The following UNKL variants were observed in gnomAD, a reference collection of about 807,000 sequenced individuals.
UNKL encodes the protein putative E3 ubiquitin-protein ligase UNKL.
UNKL carries 60 observed loss-of-function variants against 78.0 expected under a neutral mutation model. The ratio of observed to expected loss-of-function variants is 0.77; its 90% CI spans 0.63 to 0.95. The LOEUF (loss-of-function observed/expected upper bound fraction) is 0.95. Ranked by LOEUF, UNKL falls within the 40% of genes least tolerant of loss-of-function variation. The pLI, the probability that UNKL is intolerant of heterozygous loss-of-function variation, is 0.00. For missense variants in UNKL, 1,159 were observed against 1,045.7 expected (o/e 1.11, Z -1.49); for synonymous variants, 608 against 474.8 (o/e 1.28, Z -3.65).
At chr16:1,394,063 A>G in intron 7 of UNKL, 68 bp downstream of exon 7, 6 of 1,482,412 alleles carry the variant, frequency 4.0e-6, no homozygotes, top group Non-Finnish European at 5.5e-6. Context: ...GTCATCGGTA[A>G]CTCCAGTGAG....
chr16:1,393,026 G>A (rs1337254477), intron 7 of UNKL, 50 bp from the exon 8 acceptor site: 1 of 1,531,468 alleles, frequency 6.5e-7, no homozygotes, highest in Admixed American at 2.0e-5. Context: ...GTGGGCGACA[G>A]TGACACGCAG....
intron 10 of UNKL, among the ~76,000 whole-genome samples, chr16:1,384,930 C>T (rs961399555): frequency 3.3e-5 from 5 of 152,188 alleles, no homozygotes. Context: ...CGTTCTCAGT[C>T]CCTGAGCCGG....
Position 1,399,253 on chromosome 16 carries a change from G to C in UNKL, c.734+121C>G, listed in dbSNP as rs145678918. The C allele has an allele frequency of 7.1e-7, 1 of 1,403,998 alleles. No individual in the cohort carries two copies. The highest frequency in any genetic ancestry group is 1.5e-5 in the South Asian group (1 of 66,228). 87.0% of individuals were successfully genotyped at this position (1,403,998 alleles called of 1,614,324 possible). On this transcript the variant is annotated intron_variant, in intron 5 of 14. Transcript: ENST00000389221. This position sits in a 1 kb window ranked among gnomAD's most constrained non-coding sequence, Gnocchi z 5.8. ...GTGCTTGGAGATGCCCTCCCCTCCC[G>C]GGGATGATGGTGCCACAAGGGCAGC... is the stretch of plus-strand genomic sequence containing the variant.
At chr16:1,395,596 G>A (rs1251623241) in intron 6 of UNKL, 1 of 436,076 alleles carries the variant, frequency 2.3e-6, no homozygotes, top group Admixed American at 2.4e-5. Flanking sequence ...ATCTCAGGCT[G>A]CCCCTTCCGC....
In UNKL at chr16:1,401,666, T is replaced by TGGCC; in HGVS notation, c.496_499dup (p.Gln167ArgfsTer24). The TGGCC allele has an allele frequency of 6.2e-7, 1 of 1,612,088 alleles. No individual in the cohort carries two copies. Among genetic ancestry groups the TGGCC allele is most frequent in the Non-Finnish European group, 8.5e-7 (1 of 1,179,316 alleles). On this transcript the variant is annotated frameshift_variant, in exon 4 of 15. Coordinates refer to ENST00000389221, the MANE Select transcript of UNKL (RefSeq NM_001372107.1). LOFTEE classifies it high-confidence loss of function. The stretch of plus-strand genomic sequence containing the variant: ...CGGGACCCCTTCCCCGCCGCCCAGC[T>TGGCC]GGCCGTTCTGCAAGGCTTCCTGGGC...
At chr16:1,398,352 C>T (rs1384836235) in intron 5 of UNKL, 1 of 1,024,000 alleles carries the variant, frequency 9.8e-7, no homozygotes, top group African/African-American at 1.7e-5. Flanking sequence ...TTATGGGACA[C>T]ATTAAGTGCC....
rs2037407215 is a variant in UNKL, at chr16:1,399,256, G to T, written c.734+118C>A. ...CTTGGAGATGCCCTCCCCTCCCGGG[G>T]ATGATGGTGCCACAAGGGCAGCCCT... On this transcript the variant is annotated intron_variant, in intron 5 of 14. Coordinates refer to ENST00000389221, the MANE Select transcript of UNKL (RefSeq NM_001372107.1). The surrounding 1 kb of genome is among the most constrained non-coding windows in gnomAD (Gnocchi z 5.8). 5 of 1,408,746 alleles carry T rather than the reference G, an allele frequency of 3.5e-6. No individual in the cohort carries two copies. In the South Asian group the frequency reaches 7.5e-5, roughly 21 times the overall value. The allele number at this position is 1,408,746 out of a possible 1,614,324, so 87.3% of individuals were successfully genotyped here.
Position 1,401,673 on chromosome 16 carries a change from T to TCCCCGCCGCCCAG in UNKL, c.492_493insCTGGGCGGCGGGG (p.Asn165LeufsTer29). The stretch of plus-strand genomic sequence containing the variant: ...CCTTCCCCGCCGCCCAGCTGGCCGT[T>TCCCCGCCGCCCAG]CTGCAAGGCTTCCTGGGCCTGCAGC... On this transcript the variant is annotated frameshift_variant, in exon 4 of 15. Transcript: ENST00000389221. LOFTEE classifies it high-confidence loss of function. 1 of 1,611,794 alleles carries TCCCCGCCGCCCAG rather than the reference T, an allele frequency of 6.2e-7. No homozygotes were observed. The highest frequency in any genetic ancestry group is 1.1e-5 in the South Asian group (1 of 91,006).
chr16:1,392,440 T>C (rs1015750828), intron 8 of UNKL, among the ~76,000 whole-genome samples: 2 of 141,582 alleles, frequency 1.4e-5, no homozygotes, highest in African/African-American at 5.0e-5. Context: ...TCTTCCCCCC[T>C]CTTTTTTTGT....
intron 10 of UNKL, chr16:1,383,646 A>G: frequency 2.4e-6 from 1 of 417,124 alleles, no homozygotes; most frequent in Admixed American, 2.6e-5. Flanking sequence ...GGGGGCTTGC[A>G]GCTGGGCCTG....
At chr16:1,371,915 C>A (rs1216272974) in intron 10 of UNKL, among the ~76,000 whole-genome samples, 1 of 152,154 alleles carries the variant, frequency 6.6e-6, no homozygotes, top group African/African-American at 2.4e-5. Context: ...GTTTAAATAC[C>A]TAAGTGTGTG....
intron 3 of UNKL, among the ~76,000 whole-genome samples, chr16:1,401,944 C>T (rs2037545613): frequency 1.3e-5 from 2 of 152,356 alleles, no homozygotes; most frequent in South Asian, 4.1e-4. Context: ...GTCCCCCAGG[C>T]TGGAGTGCAG....
intron 9 of UNKL, among the ~76,000 whole-genome samples, chr16:1,386,546 T>C (rs963406924): frequency 2.0e-5 from 3 of 152,128 alleles, no homozygotes; most frequent in Admixed American, 1.3e-4. Flanking sequence ...AGAGAGACTC[T>C]GTTTCCAAAA....
chr16:1,374,928 C>G (rs761413268), intron 10 of UNKL, among the ~76,000 whole-genome samples: 2 of 152,246 alleles, frequency 1.3e-5, no homozygotes, highest in African/African-American at 4.8e-5. Flanking sequence ...TGAAGAAGAA[C>G]GCTGCCCTAG....
intron 2 of UNKL, among the ~76,000 whole-genome samples, chr16:1,413,549 C>A (rs1216544951): frequency 6.6e-6 from 1 of 152,170 alleles, no homozygotes; most frequent in Non-Finnish European, 1.5e-5. Flanking sequence ...GCCAGAGCAA[C>A]AAGAGTGAAA....
rs1477935743 is a variant in UNKL, at chr16:1,403,139, C to G, written c.464+29G>C. Reference sequence around the variant, plus strand: ...GCAGAGCCCACAGCAGCAGGCAGGCCAAGTGCCCACTCGTGGATGCCCACT... The same window carrying G: ...GCAGAGCCCACAGCAGCAGGCAGGCGAAGTGCCCACTCGTGGATGCCCACT... On this transcript the variant is annotated intron_variant, in intron 3 of 14. Coordinates refer to ENST00000389221, the MANE Select transcript of UNKL (RefSeq NM_001372107.1). The surrounding 1 kb of genome is among the most constrained non-coding windows in gnomAD (Gnocchi z 4.8). 1.3e-6 allele frequency: 2 copies of G among 1,592,096 alleles called. No homozygotes were observed. Among genetic ancestry groups the G allele is most frequent in the South Asian group, 2.2e-5 (2 of 89,574 alleles).
chr16:1,411,645 A>G (rs1306362491), intron 2 of UNKL, among the ~76,000 whole-genome samples: 2 of 152,104 alleles, frequency 1.3e-5, no homozygotes, highest in Admixed American at 6.6e-5. Flanking sequence ...ACCAACATGT[A>G]GAAATCCCGT....
chr16:1,368,878 G>A (rs1414542432), intron 12 of UNKL, among the ~76,000 whole-genome samples: 1 of 151,940 alleles, frequency 6.6e-6, no homozygotes, highest in Non-Finnish European at 1.5e-5. Context: ...ACGACAGAGT[G>A]AAACTTTGTT....
intron 14 of UNKL, 99 bp from the exon 15 acceptor site, chr16:1,366,494 C>T (rs1021900294): frequency 1.4e-5 from 19 of 1,390,024 alleles, no homozygotes; most frequent in Non-Finnish European, 1.8e-5. Flanking sequence ...GCATCTCAGG[C>T]CGCCCGGCCA....
Sources: allele counts gnomAD v4.1 joint callset (sites outside exome capture counted in the v4.1 genomes callset), GRCh38; gene constraint gnomAD v4.1.1; non-coding constraint Gnocchi (gnomAD v3.1); transcripts MANE v1.5; gene names NCBI Gene and HGNC (gene_info 2026-07-23, HGNC 2026-07-21).